GAS7: variants seen among roughly 807,000 people sequenced by gnomAD.
The protein encoded by GAS7 is growth arrest specific 7, also known as growth arrest-specific protein 7.
GAS7 carries 28 observed loss-of-function variants against 71.1 expected under a neutral mutation model. The ratio of observed to expected loss-of-function variants is 0.39; its 90% CI spans 0.29 to 0.54. The LOEUF is 0.54. Among genes scored for constraint, GAS7 ranks in the 20% least tolerant of loss-of-function variants. The pLI is 0.62. For synonymous variants in GAS7, 258 were observed against 245.8 expected, an observed-to-expected ratio of 1.05 and a Z score of -0.46; for missense variants, 436 against 627.8, an observed-to-expected ratio of 0.69 and a Z score of 3.27.
intron 3 of GAS7, among the ~76,000 whole-genome samples, chr17:9,977,320 TC>T (rs1454340703): frequency 6.6e-6 from 1 of 152,208 alleles, no homozygotes; most frequent in Admixed American, 6.5e-5. Flanking sequence ...GCTTATACTG[TC>T]ACAGAGGGTT....
At chr17:9,993,282 C>T (rs1212099201) in intron 2 of GAS7, among the ~76,000 whole-genome samples, 12 of 151,984 alleles carry the variant, frequency 7.9e-5, no homozygotes, top group African/African-American at 2.4e-4. Context: ...TCCTGACTTT[C>T]TAATGATTGC....
Position 9,919,589 on chromosome 17 carries a change from T to C in GAS7, c.1218+37A>G, listed in dbSNP as rs1476574534. 1 of 1,462,340 alleles carries C rather than the reference T, an allele frequency of 6.8e-7. No individual in the cohort carries two copies. The highest frequency in any genetic ancestry group is 1.1e-5 in the South Asian group (1 of 88,118). The allele number at this position is 1,462,340 out of a possible 1,614,324, so 90.6% of individuals were successfully genotyped here. A position where few individuals can be genotyped will look rare whatever the true frequency, so the allele number is the denominator to read the frequency against. ...CACCAGGGGCTGCTCTGTGTCAGCC[T>C]CTGTACTGCCATGTCCACACATCCC... On this transcript the variant is annotated intron_variant, in intron 12 of 13. Transcript: ENST00000432992. This position sits in a 1 kb window ranked among gnomAD's most constrained non-coding sequence, Gnocchi z 5.0.
chr17:10,033,830 C>T (rs999069569), intron 1 of GAS7, among the ~76,000 whole-genome samples: 2 of 152,328 alleles, frequency 1.3e-5, no homozygotes, highest in South Asian at 4.1e-4. Flanking sequence ...TTCCCCAACA[C>T]GGAGACTCAT....
chr17:10,143,600 A>C (rs560161636), intron 1 of GAS7, among the ~76,000 whole-genome samples: 24 of 151,992 alleles, frequency 1.6e-4, no homozygotes, highest in African/African-American at 5.5e-4. Flanking sequence ...GGGTCATGAG[A>C]GTGGTCCTAA....
At chr17:9,970,468 A>G (rs530670184) in intron 3 of GAS7, among the ~76,000 whole-genome samples, 10 of 151,886 alleles carry the variant, frequency 6.6e-5, no homozygotes, top group African/African-American at 2.4e-4. Context: ...TGTCTCTACT[A>G]AAAATACAAA....
chr17:9,916,647 C>G lies in GAS7; in HGVS notation c.*581G>C. On this transcript the variant is annotated 3_prime_UTR_variant, in exon 14 of 14. Transcript: ENST00000432992. The stretch of plus-strand genomic sequence containing the variant: ...TGGGTCTGGGAAGACAGGAGCCAAG[C>G]CTTCCTCCTAAAACCCCTGGTGATG... 3.2e-6 allele frequency: 1 copy of G among 308,454 alleles called. No homozygotes were observed. Among genetic ancestry groups the G allele is most frequent in the Non-Finnish European group, 5.9e-6 (1 of 168,628 alleles). The allele number at this position is 308,454 out of a possible 1,614,324, so 19.1% of individuals were successfully genotyped here.
intron 8 of GAS7, among the ~76,000 whole-genome samples, chr17:9,937,419 CTTA>C (rs2068439762): frequency 6.6e-6 from 1 of 152,252 alleles, no homozygotes; most frequent in African/African-American, 2.4e-5. Context: ...CACGGGGATA[CTTA>C]GGAAAGCCCC....
At chr17:10,198,101 C>T in intron 1 of GAS7, 107 bp downstream of exon 1, 12 of 1,060,390 alleles carry the variant, frequency 1.1e-5, no homozygotes, top group Admixed American at 4.1e-5. Context: ...CCCCCCGGGG[C>T]GCCCCTCCGA....
intron 1 of GAS7, among the ~76,000 whole-genome samples, chr17:10,131,874 A>G (rs1188118988): frequency 6.6e-6 from 1 of 152,168 alleles, no homozygotes; most frequent in Non-Finnish European, 1.5e-5. Context: ...ATGTATAAAA[A>G]TGTGCTCATG....
At chr17:9,972,127 T>C (rs2069994211) in intron 3 of GAS7, among the ~76,000 whole-genome samples, 1 of 152,082 alleles carries the variant, frequency 6.6e-6, no homozygotes, top group Non-Finnish European at 1.5e-5. Context: ...AGTAGAAGCT[T>C]GAGGGAAGCA....
intron 1 of GAS7, among the ~76,000 whole-genome samples, chr17:10,025,174 A>T (rs1322084351): frequency 6.6e-6 from 1 of 152,208 alleles, no homozygotes; most frequent in Non-Finnish European, 1.5e-5. Flanking sequence ...AGGCCGAGGC[A>T]GGAGGATTGC....
chr17:10,046,722 C>T (rs1478188534), intron 1 of GAS7, among the ~76,000 whole-genome samples: 1 of 103,582 alleles, frequency 9.7e-6, no homozygotes, highest in Non-Finnish European at 1.8e-5. Flanking sequence ...GGTGACAGAG[C>T]AAGACTCTGT....
At chr17:10,151,021 T>C (rs952253895) in intron 1 of GAS7, among the ~76,000 whole-genome samples, 6 of 152,198 alleles carry the variant, frequency 3.9e-5, no homozygotes, top group Admixed American at 1.3e-4. Flanking sequence ...CATGAAGTTG[T>C]TGTTAGGATT....
intron 8 of GAS7, 61 bp from the exon 9 acceptor site, chr17:9,934,305 G>T: frequency 8.6e-7 from 1 of 1,162,566 alleles, no homozygotes; most frequent in Non-Finnish European, 1.3e-6. Context: ...AGGCAGGATG[G>T]TGGGGCTCCA....
At chr17:10,001,625 G>A (rs949450213) in intron 2 of GAS7, among the ~76,000 whole-genome samples, 1 of 152,122 alleles carries the variant, frequency 6.6e-6, no homozygotes, top group Admixed American at 6.5e-5. Context: ...AGAGATGGGG[G>A]AATTGCAATT....
At chr17:10,016,060 G>A (rs2071983122) in intron 2 of GAS7, among the ~76,000 whole-genome samples, 1 of 152,184 alleles carries the variant, frequency 6.6e-6, no homozygotes, top group Admixed American at 6.5e-5. Flanking sequence ...CTCAAACTAT[G>A]TGTTGAAGGA....
At chr17:10,071,907 A>G (rs908056925) in intron 1 of GAS7, among the ~76,000 whole-genome samples, 3 of 150,010 alleles carry the variant, frequency 2.0e-5, no homozygotes, top group Non-Finnish European at 4.4e-5. Context: ...ACTGAACTCC[A>G]GCCTGGGCAA....
At chr17:10,145,175 G>A (rs1430597710) in intron 1 of GAS7, among the ~76,000 whole-genome samples, 1 of 152,246 alleles carries the variant, frequency 6.6e-6, no homozygotes, top group African/African-American at 2.4e-5. Flanking sequence ...CCTGGTGTCT[G>A]GGGCTGACAG....
chr17:9,920,182 A>AGCGTGT (rs112208548), intron 11 of GAS7, among the ~76,000 whole-genome samples: 5 of 141,050 alleles, frequency 3.5e-5, no homozygotes, highest in African/African-American at 1.0e-4. Context: ...AGATCATGTA[A>AGCGTGT]GTGTGTGTGT....
Sources: gnomAD v4.1 joint callset for allele counts (sites outside exome capture counted in the v4.1 genomes callset) on GRCh38, gnomAD v4.1.1 for gene constraint, Gnocchi (gnomAD v3.1) non-coding constraint, MANE v1.5 for transcripts, NCBI Gene and HGNC (gene_info 2026-07-23, HGNC 2026-07-21) for gene names.